Variants in ABTB2 observed in about 807,000 individuals in gnomAD.
ABTB2 encodes ankyrin repeat and BTB domain containing 2, also known as ankyrin repeat and BTB/POZ domain-containing protein 2.
In ABTB2, 56 loss-of-function variants were observed where a neutral mutation model predicts 104.1. The observed-to-expected ratio is 0.54, with a 90% CI of 0.43 to 0.67. The LOEUF (loss-of-function observed/expected upper bound fraction) is 0.67, where lower values mean the gene tolerates loss of function less well. Among genes scored for constraint, ABTB2 ranks in the 30% least tolerant of loss-of-function variants. ABTB2 has a pLI of 0.00. For missense variants in ABTB2, 1,279 were observed against 1,407.7 expected (o/e 0.91, Z 1.46); for synonymous variants, 606 against 608.2 (o/e 1.00, Z 0.05).
intron 1 of ABTB2, among the ~76,000 whole-genome samples, chr11:34,338,204 A>G (rs1209745813): frequency 6.6e-6 from 1 of 151,846 alleles, no homozygotes; most frequent in Non-Finnish European, 1.5e-5. Flanking sequence ...AACATGGTGA[A>G]ACCCTGTCTC....
In ABTB2 at chr11:34,152,395, G is replaced by A. The variant is rs756226554; in HGVS notation, c.3070C>T (p.Arg1024Trp). The change falls in exon 17 of 17, where the codon CGG becomes TGG. Residue 1024 changes from arginine (R) to tryptophan (W), a missense_variant. Coordinates refer to ENST00000435224, the MANE Select transcript of ABTB2 (RefSeq NM_145804.3). ...ERVHSVYITS[R>W]V is the part of the protein sequence containing the mutation. ...AGCCTCCGCCCCCTGCCTCACACCC[G>A]GGAGGTGATGTAGACAGAGTGCACG... 4.5e-6 allele frequency: 7 copies of A among 1,566,796 alleles called. No individual in the cohort carries two copies. Among genetic ancestry groups the A allele is most frequent in the African/African-American group, 1.3e-5 (1 of 74,196 alleles).
At chr11:34,269,561 G>A (rs988374907) in intron 1 of ABTB2, among the ~76,000 whole-genome samples, 2 of 152,142 alleles carry the variant, frequency 1.3e-5, no homozygotes, top group African/African-American at 2.4e-5. Flanking sequence ...TCCCCACCTC[G>A]TCTGTTGTAG....
intron 1 of ABTB2, among the ~76,000 whole-genome samples, chr11:34,237,646 G>A (rs758865583): frequency 6.6e-6 from 1 of 152,156 alleles, no homozygotes; most frequent in Admixed American, 6.5e-5. Flanking sequence ...TGTAATCCCA[G>A]CACTTTGGGA....
intron 1 of ABTB2, among the ~76,000 whole-genome samples, chr11:34,308,149 G>T (rs115167033): frequency 0.015 from 2,295 of 152,304 alleles, 55 homozygotes; most frequent in African/African-American, 0.051. Flanking sequence ...AGGTTACTGT[G>T]AGGATTACAT....
intron 1 of ABTB2, among the ~76,000 whole-genome samples, chr11:34,246,848 T>C (rs1358579381): frequency 4.1e-5 from 1 of 24,360 alleles, no homozygotes; most frequent in East Asian, 1.0e-3. Context: ...TTCTTTTTTC[T>C]TTTTTTTTTT....
intron 14 of ABTB2, among the ~76,000 whole-genome samples, chr11:34,157,503 G>A (rs985458182): frequency 3.9e-5 from 6 of 152,156 alleles, no homozygotes; most frequent in Admixed American, 6.5e-5. Context: ...CCACAAGTGC[G>A]CTCCCCAGTC....
chr11:34,170,865 C>G (rs757802413), intron 5 of ABTB2, 41 bp downstream of exon 5: 5 of 1,595,982 alleles, frequency 3.1e-6, no homozygotes, highest in Non-Finnish European at 4.3e-6. Context: ...ATTCCCAACT[C>G]TGGTCCTCGT....
intron 1 of ABTB2, among the ~76,000 whole-genome samples, chr11:34,249,211 T>C (rs1188894514): frequency 6.6e-6 from 1 of 152,158 alleles, no homozygotes; most frequent in Non-Finnish European, 1.5e-5. Flanking sequence ...TGCGCAGCCT[T>C]GAGGGGAGCT....
At position 34,164,102 on chromosome 11, in the gene ABTB2, T is replaced by C. The variant is rs61880406; in HGVS notation, c.1988+584A>G. Among the ~76,000 whole-genome samples the C allele has an allele frequency of 3.9e-4, 17 of 43,828 alleles. No homozygotes were observed. In the South Asian group the frequency reaches 0.014, roughly 35 times the overall value. 28.8% of individuals were successfully genotyped at this position (43,828 alleles called of 152,430 possible). ...AAGTAAGTGTCCTGCCTGCCAGCCC[T>C]GCTTATCCAGCCCCGCTTTTCCAGC... On this transcript the variant is annotated intron_variant, in intron 9 of 16. Transcript: ENST00000435224.
In ABTB2 at chr11:34,356,688, C is replaced by T. The variant is rs770417797; in HGVS notation, c.883+13G>A. 11 of 1,567,146 alleles carry T rather than the reference C, an allele frequency of 7.0e-6. 1 individual carries two copies. The South Asian group carries it at 1.3e-4, about 18-fold the overall frequency. ...GCCTACCCAGTCTGCCAGTCCGAGG[C>T]CCGCGCGCTTACCATTGGCGTTCTT... is the stretch of plus-strand genomic sequence containing the variant. On this transcript the variant is annotated intron_variant, in intron 1 of 16. Transcript: ENST00000435224. The surrounding 1 kb of genome is among the most constrained non-coding windows in gnomAD (Gnocchi z 4.6).
At chr11:34,331,545 C>T (rs901632300) in intron 1 of ABTB2, among the ~76,000 whole-genome samples, 1 of 152,188 alleles carries the variant, frequency 6.6e-6, no homozygotes, top group Admixed American at 6.5e-5. Flanking sequence ...GGCATGCTGG[C>T]CCCAAACACC....
chr11:34,165,311 C>A lies in ABTB2; in HGVS notation c.1801G>T (p.Gly601Cys). ...GTCTCCGCATAGCTGTCCTCGCCGC[C>A]GTTCACTGCCGAGCCCTCGACATGG... ...GAHVEGSAVN[G>C]GEDSYAETPL... The change falls in exon 8 of 17, where the codon GGC becomes TGC. Residue 601 changes from glycine to cysteine, a missense_variant. Physicochemically the swap from Gly to Cys is radical, Grantham distance 159. Transcript: ENST00000435224. 6.3e-7 allele frequency: 1 copy of A among 1,581,006 alleles called. No individual in the cohort carries two copies. Among genetic ancestry groups the A allele is most frequent in the Non-Finnish European group, 8.6e-7 (1 of 1,164,362 alleles).
Position 34,197,685 on chromosome 11 carries a change from C to T in ABTB2, c.1031-147G>A, listed in dbSNP as rs754061040. 2.6e-5 allele frequency: 16 copies of T among 622,672 alleles called. 2 individuals carry two copies. Among genetic ancestry groups the T allele is most frequent in the South Asian group, 1.6e-4 (8 of 49,426 alleles). 38.6% of individuals were successfully genotyped at this position (622,672 alleles called of 1,614,324 possible). A position where few individuals can be genotyped will look rare whatever the true frequency, so the allele number is the denominator to read the frequency against. The stretch of plus-strand genomic sequence containing the variant: ...TACTGTTTGCCCTGCAGCCAACAGG[C>T]GGAGGTGGAAACTGTCACCTAGATG... On this transcript the variant is annotated intron_variant, in intron 2 of 16. Transcript: ENST00000435224.
intron 1 of ABTB2, among the ~76,000 whole-genome samples, chr11:34,228,208 T>A (rs1853712293): frequency 1.4e-5 from 1 of 70,616 alleles, no homozygotes; most frequent in African/African-American, 4.8e-5. Flanking sequence ...TACAGGCACG[T>A]GCCACCACAC....
At chr11:34,243,305 C>T (rs575977308) in intron 1 of ABTB2, among the ~76,000 whole-genome samples, 3 of 152,294 alleles carry the variant, frequency 2.0e-5, no homozygotes, top group African/African-American at 7.2e-5. Context: ...TGGAGTCTCG[C>T]TCTGTCGCCC....
Position 34,357,942 on chromosome 11 carries a change from CGGCGCAG to C in ABTB2, c.-366_-360del, listed in dbSNP as rs900328326. 1 of 229,800 alleles carries C rather than the reference CGGCGCAG, an allele frequency of 4.4e-6. No individual in the cohort carries two copies. Among genetic ancestry groups the C allele is most frequent in the Non-Finnish European group, 8.4e-6 (1 of 119,370 alleles). 14.2% of individuals were successfully genotyped at this position (229,800 alleles called of 1,614,324 possible). A position where few individuals can be genotyped will look rare whatever the true frequency, so the allele number is the denominator to read the frequency against. On this transcript the variant is annotated 5_prime_UTR_variant, in exon 1 of 17. Coordinates refer to ENST00000435224, the MANE Select transcript of ABTB2 (RefSeq NM_145804.3). ...CGGCGGCGGCAGAAGGAGGAGGCGG[CGGCGCAG>C]GGCGCAGGGCGCAGCGCGAGTCCGG...
intron 7 of ABTB2, 33 bp from the exon 8 acceptor site, chr11:34,165,389 C>T: frequency 1.3e-6 from 2 of 1,552,926 alleles, no homozygotes; most frequent in South Asian, 2.4e-5. Flanking sequence ...GGGCACTGCT[C>T]AGCGTGGCAG....
intron 3 of ABTB2, among the ~76,000 whole-genome samples, chr11:34,192,064 G>A (rs1342394240): frequency 3.3e-5 from 5 of 152,246 alleles, no homozygotes; most frequent in Non-Finnish European, 7.3e-5. Context: ...GCCAAGGCAG[G>A]AGGGTCCCTT....
intron 1 of ABTB2, among the ~76,000 whole-genome samples, chr11:34,259,365 G>T (rs56731214): frequency 1.1e-3 from 175 of 152,340 alleles, no homozygotes; most frequent in African/African-American, 3.9e-3. Flanking sequence ...GAAGATAAGG[G>T]AGGAAATGTA....
Sources: allele counts gnomAD v4.1 joint callset (sites outside exome capture counted in the v4.1 genomes callset), GRCh38; gene constraint gnomAD v4.1.1; non-coding constraint Gnocchi (gnomAD v3.1); transcripts MANE v1.5; gene names NCBI Gene and HGNC (gene_info 2026-07-23, HGNC 2026-07-21).